Variants in EPHA6 observed in about 807,000 individuals in gnomAD.
EPHA6 encodes EPH receptor A6, also known as ephrin type-A receptor 6.
In EPHA6, 50 loss-of-function variants were observed where a neutral mutation model predicts 112.0. That is an observed-to-expected ratio of 0.45 (90% CI 0.36 to 0.56). EPHA6 has a LOEUF of 0.56. EPHA6 is among the 20% of genes least tolerant of loss of function. The probability of loss-of-function intolerance (pLI) is 0.00; values close to 1 mark genes in which losing one functional copy is unlikely to be tolerated. For missense variants in EPHA6, 1,280 were observed against 1,417.4 expected (o/e 0.90, Z 1.56); for synonymous variants, 529 against 490.7 (o/e 1.08, Z -1.03).
chr3:97,674,320 C>T (rs1365885233), intron 14 of EPHA6, among the ~76,000 whole-genome samples: 1 of 152,174 alleles, frequency 6.6e-6, no homozygotes, highest in Admixed American at 6.5e-5. Flanking sequence ...ATAAAACACT[C>T]AGGCAAGAAC....
intron 3 of EPHA6, among the ~76,000 whole-genome samples, chr3:97,046,340 GC>G (rs1472037458): frequency 6.6e-6 from 1 of 152,086 alleles, no homozygotes; most frequent in Non-Finnish European, 1.5e-5. Flanking sequence ...TTCAATAGAT[GC>G]AGAAAATTCC....
chr3:97,532,043 T>C (rs1051987418), intron 10 of EPHA6, among the ~76,000 whole-genome samples: 3 of 152,094 alleles, frequency 2.0e-5, no homozygotes, highest in Admixed American at 6.6e-5. Context: ...GACATTATGC[T>C]GTGATTGCAT....
chr3:97,427,437 G>A (rs902382219), intron 6 of EPHA6, among the ~76,000 whole-genome samples: 1 of 152,122 alleles, frequency 6.6e-6, no homozygotes, highest in African/African-American at 2.4e-5. Context: ...ACTAATGCAG[G>A]AACAGAAAAC....
At chr3:97,271,264 C>T (rs2079869102) in intron 5 of EPHA6, among the ~76,000 whole-genome samples, 2 of 152,176 alleles carry the variant, frequency 1.3e-5, no homozygotes, top group Non-Finnish European at 2.9e-5. Context: ...GAATATGCAC[C>T]CATACTCACT....
intron 3 of EPHA6, among the ~76,000 whole-genome samples, chr3:97,215,715 A>G (rs965033922): frequency 1.3e-5 from 2 of 152,070 alleles, no homozygotes; most frequent in African/African-American, 2.4e-5. Context: ...TGCCATATGT[A>G]TGACATTTTC....
chr3:97,136,311 T>G (rs1437234876), intron 3 of EPHA6, among the ~76,000 whole-genome samples: 1 of 152,166 alleles, frequency 6.6e-6, no homozygotes, highest in Non-Finnish European at 1.5e-5. Flanking sequence ...AGAGATGTAA[T>G]TTTAAAAAGC....
chr3:96,980,231 A>C (rs2042707786), intron 2 of EPHA6, among the ~76,000 whole-genome samples: 1 of 152,144 alleles, frequency 6.6e-6, no homozygotes, highest in Admixed American at 6.6e-5. Flanking sequence ...TTTTTGTATA[A>C]GGTGTAAGGA....
intron 3 of EPHA6, among the ~76,000 whole-genome samples, chr3:97,051,869 T>C (rs1005904476): frequency 6.6e-6 from 1 of 152,074 alleles, no homozygotes; most frequent in African/African-American, 2.4e-5. Flanking sequence ...AATGTTATAG[T>C]CTGTGTATAA....
rs1413785494 is a variant in EPHA6 at position 96,877,927 on chromosome 3, ATATTT to A, written c.450+11040_450+11044del. Among the ~76,000 whole-genome samples, 1,100 of 140,068 alleles carry A rather than the reference ATATTT, an allele frequency of 7.9e-3. 15 individuals carry two copies. Among genetic ancestry groups the A allele is most frequent in the African/African-American group, 0.031 (1,059 of 34,398 alleles). 91.9% of individuals were successfully genotyped at this position (140,068 alleles called of 152,430 possible). A position where few individuals can be genotyped will look rare whatever the true frequency, so the allele number is the denominator to read the frequency against. On this transcript the variant is annotated intron_variant, in intron 2 of 17. Transcript: ENST00000389672. ...TATGTGTGTGTGTATATATATATAT[ATATTT>A]TTTTTTTTTCCTTTGGATGTTCATG...
Position 97,023,348 on chromosome 3 carries a change from G to A in EPHA6, c.1114+35355G>A, listed in dbSNP as rs532773053. Reference sequence around the variant, plus strand: ...CCTGCCTTGGCCTCCCAAAGTGCTGGGATTACAGGCTTGAGCCACCGCTCT... The same window carrying A: ...CCTGCCTTGGCCTCCCAAAGTGCTGAGATTACAGGCTTGAGCCACCGCTCT... On this transcript the variant is annotated intron_variant, in intron 3 of 17. Transcript: ENST00000389672. Among the ~76,000 whole-genome samples the A allele has an allele frequency of 8.5e-5, 13 of 152,140 alleles. No individual in the cohort carries two copies. In the South Asian group the frequency reaches 2.7e-3, roughly 32 times the overall value.
Position 97,454,750 on chromosome 3 carries a change from G to T in EPHA6, c.1894+6020G>T, listed in dbSNP as rs189100803. Among the ~76,000 whole-genome samples the T allele has an allele frequency of 3.5e-3, 525 of 151,908 alleles. 2 individuals carry two copies. The highest frequency in any genetic ancestry group is 5.5e-3 in the Non-Finnish European group (371 of 67,792). ...TGTTTGATCCAGTCTGTTGGTTGAAGCACAATCTGTACTGCTTCAATTACT... is the reference window on the plus strand; with the variant it reads ...TGTTTGATCCAGTCTGTTGGTTGAATCACAATCTGTACTGCTTCAATTACT... On this transcript the variant is annotated intron_variant, in intron 7 of 17. Transcript: ENST00000389672.
At chr3:96,944,323 C>A (rs951933726) in intron 2 of EPHA6, among the ~76,000 whole-genome samples, 1 of 151,842 alleles carries the variant, frequency 6.6e-6, no homozygotes, top group Non-Finnish European at 1.5e-5. Context: ...TTATATATTT[C>A]CCTTTTTTTT....
At chr3:97,363,983 T>C (rs2084563206) in intron 5 of EPHA6, among the ~76,000 whole-genome samples, 1 of 151,046 alleles carries the variant, frequency 6.6e-6, no homozygotes, top group African/African-American at 2.4e-5. Flanking sequence ...AGTAGAATAG[T>C]GGTTTGCAAC....
chr3:97,349,759 G>T (rs946781418), intron 5 of EPHA6, among the ~76,000 whole-genome samples: 2 of 152,000 alleles, frequency 1.3e-5, no homozygotes, highest in Admixed American at 1.3e-4. Flanking sequence ...GACTTAGGAA[G>T]CTTCAAAGTC....
intron 10 of EPHA6, among the ~76,000 whole-genome samples, chr3:97,507,893 G>T (rs553668238): frequency 2.0e-5 from 3 of 152,118 alleles, no homozygotes; most frequent in African/African-American, 7.2e-5. Context: ...CCTTGGGAGG[G>T]TGTACGTGTC....
chr3:97,158,671 C>T (rs1040200665), intron 3 of EPHA6, among the ~76,000 whole-genome samples: 3 of 152,154 alleles, frequency 2.0e-5, no homozygotes, highest in Admixed American at 2.0e-4. Flanking sequence ...TTGTCTGGCT[C>T]AGTGAATCTG....
intron 10 of EPHA6, among the ~76,000 whole-genome samples, chr3:97,531,008 A>G (rs2092689133): frequency 6.6e-6 from 1 of 152,048 alleles, no homozygotes; most frequent in African/African-American, 2.4e-5. Flanking sequence ...AGTTGGCCAT[A>G]AGTGCTAATA....
At chr3:97,679,423 TATA>T (rs2031677495) in intron 14 of EPHA6, among the ~76,000 whole-genome samples, 1 of 152,140 alleles carries the variant, frequency 6.6e-6, no homozygotes, top group African/African-American at 2.4e-5. Flanking sequence ...AATCTCTATT[TATA>T]ATATGTGAAG....
At chr3:97,739,990 G>A (rs552604601) in intron 16 of EPHA6, among the ~76,000 whole-genome samples, 6 of 152,178 alleles carry the variant, frequency 3.9e-5, no homozygotes, top group African/African-American at 1.4e-4. Context: ...GTTGTGTGTA[G>A]AACAGCATCT....
Sources: allele counts gnomAD v4.1 joint callset (sites outside exome capture counted in the v4.1 genomes callset), GRCh38; gene constraint gnomAD v4.1.1; transcripts MANE v1.5; gene names NCBI Gene and HGNC (gene_info 2026-07-23, HGNC 2026-07-21).